EFCAB6: variants seen among roughly 807,000 people sequenced by gnomAD.
EFCAB6 encodes the protein EF-hand calcium-binding domain-containing protein 6.
In EFCAB6, 156 loss-of-function variants were observed where a neutral mutation model predicts 169.8. The ratio of observed to expected loss-of-function variants is 0.92; its 90% CI spans 0.81 to 1.05. EFCAB6 has a LOEUF of 1.05. Among genes scored for constraint, EFCAB6 ranks in the 50% least tolerant of loss-of-function variants. EFCAB6 has a pLI of 0.00. For missense variants in EFCAB6, 1,800 were observed against 1,829.1 expected, an observed-to-expected ratio of 0.98 and a Z score of 0.29; for synonymous variants, 698 against 676.4, an observed-to-expected ratio of 1.03 and a Z score of -0.50.
rs1400920194 is a variant in EFCAB6 at position 43,716,956 on chromosome 22, A to C, written c.774T>G (p.Asn258Lys). 3 of 1,561,284 alleles carry C rather than the reference A, an allele frequency of 1.9e-6. No homozygotes were observed. Among genetic ancestry groups the C allele is most frequent in the African/African-American group, 2.7e-5 (2 of 72,822 alleles). The change falls in exon 9 of 32, where the codon AAT becomes AAG. Residue 258 changes from asparagine (N) to lysine (K), a missense_variant. Physicochemically the swap from Asn to Lys is moderately conservative, Grantham distance 94. Transcript: ENST00000262726. ...CMGNQEVSLENQQAKNSKKER... is the reference protein window; with the variant it reads ...CMGNQEVSLEKQQAKNSKKER... The stretch of plus-strand genomic sequence containing the variant: ...CCTTTTTGGAATTTTTGGCTTGTTG[A>C]TTCTCCAACGAGACCTCTGTTGAAA...
intron 7 of EFCAB6, among the ~76,000 whole-genome samples, chr22:43,735,597 T>C (rs1569454970): frequency 6.6e-6 from 1 of 152,166 alleles, no homozygotes; most frequent in Non-Finnish European, 1.5e-5. Context: ...ATAACCTGGA[T>C]GTGTTCAGAG....
intron 20 of EFCAB6, among the ~76,000 whole-genome samples, chr22:43,618,928 T>C (rs1488615741): frequency 6.6e-6 from 1 of 151,076 alleles, no homozygotes; most frequent in African/African-American, 2.4e-5. Context: ...TTTTTTCTTC[T>C]CTCACTAGGG....
At chr22:43,758,374 T>G (rs6006540) in intron 5 of EFCAB6, among the ~76,000 whole-genome samples, 45,926 of 152,012 alleles carry the variant, frequency 0.3, 7,140 homozygotes, top group South Asian at 0.37. Context: ...CATTTCAATT[T>G]TTCTTCCAAA....
rs561410064 is a variant in EFCAB6, at chr22:43,588,398, A to G, written c.3032+1676T>C. Among the ~76,000 whole-genome samples the G allele has an allele frequency of 2.6e-5, 4 of 152,354 alleles. No homozygotes were observed. In the South Asian group the frequency reaches 6.2e-4, roughly 24 times the overall value. Reference sequence around the variant, plus strand: ...AATGAGATAGCGCATCCATGAAACAAGAGTAGGATGTTATAAAAAAGGAAC... The same window carrying G: ...AATGAGATAGCGCATCCATGAAACAGGAGTAGGATGTTATAAAAAAGGAAC... On this transcript the variant is annotated intron_variant, in intron 24 of 31. Coordinates refer to ENST00000262726, the MANE Select transcript of EFCAB6 (RefSeq NM_022785.4).
intron 2 of EFCAB6, chr22:43,802,894 T>C (rs2062777563): frequency 3.8e-6 from 1 of 264,034 alleles, no homozygotes; most frequent in Admixed American, 4.2e-5. Flanking sequence ...GAACACTTCA[T>C]TGTTGTCTTT....
intron 2 of EFCAB6, among the ~76,000 whole-genome samples, chr22:43,791,245 C>T (rs1401110882): frequency 6.6e-6 from 1 of 151,870 alleles, no homozygotes. Flanking sequence ...TGGTGGTGCA[C>T]ACCTATAGTC....
chr22:43,761,513 CAGA>C (rs1264094210), intron 5 of EFCAB6, among the ~76,000 whole-genome samples: 4 of 152,294 alleles, frequency 2.6e-5, no homozygotes, highest in Non-Finnish European at 5.9e-5. Context: ...TCAGATTTTT[CAGA>C]AGTTCTATTT....
At chr22:43,705,934 GAAGAT>G (rs2058941102) in intron 10 of EFCAB6, among the ~76,000 whole-genome samples, 1 of 152,064 alleles carries the variant, frequency 6.6e-6, no homozygotes, top group Admixed American at 6.6e-5. Flanking sequence ...AAAGATCAAT[GAAGAT>G]AAGGGTTGGC....
chr22:43,802,835 T>C (rs1028714036), intron 2 of EFCAB6: 6 of 417,028 alleles, frequency 1.4e-5, no homozygotes, highest in Non-Finnish European at 2.3e-5. Flanking sequence ...TGAAATACTA[T>C]TTTTAATCAA....
chr22:43,791,885 T>C (rs2062307158), intron 2 of EFCAB6, among the ~76,000 whole-genome samples: 1 of 152,226 alleles, frequency 6.6e-6, no homozygotes, highest in Non-Finnish European at 1.5e-5. Context: ...GCAGCATGTC[T>C]GAACACTCAT....
At chr22:43,655,520 C>CAA (rs137753) in intron 17 of EFCAB6, among the ~76,000 whole-genome samples, 12,480 of 116,204 alleles carry the variant, frequency 0.11, 617 homozygotes, top group South Asian at 0.18. Flanking sequence ...GACCCTGTCT[C>CAA]AAAAAAAAAA....
intron 2 of EFCAB6, among the ~76,000 whole-genome samples, chr22:43,797,869 G>A (rs187728141): frequency 6.6e-6 from 1 of 152,220 alleles, no homozygotes. Flanking sequence ...CCTCAAATGT[G>A]CTCATTCCCA....
rs542942827 is a variant in EFCAB6 at position 43,537,985 on chromosome 22, C to T, written c.3880-440G>A. 5.9e-5 allele frequency among the ~76,000 whole-genome samples: 9 copies of T among 152,286 alleles called. No homozygotes were observed. In the South Asian group the frequency reaches 1.7e-3, roughly 28 times the overall value. On this transcript the variant is annotated intron_variant, in intron 28 of 31. Transcript: ENST00000262726. The surrounding 1 kb of genome is among the most constrained non-coding windows in gnomAD (Gnocchi z 4.3). ...ATTTAGACATTATGTGGATCAAGTA[C>T]GAGGCTGTTCTTTGCTTTATTGTAT...
chr22:43,652,363 C>T (rs1040116790), intron 17 of EFCAB6, among the ~76,000 whole-genome samples: 20 of 152,234 alleles, frequency 1.3e-4, no homozygotes, highest in Non-Finnish European at 2.5e-4. Flanking sequence ...CGCCTTCCAC[C>T]ATGATTGTGA....
chr22:43,621,563 G>A (rs1602668583), intron 20 of EFCAB6, among the ~76,000 whole-genome samples: 1 of 151,964 alleles, frequency 6.6e-6, no homozygotes, highest in African/African-American at 2.4e-5. Flanking sequence ...CAGTGCCTAC[G>A]GGGAAATACA....
intron 17 of EFCAB6, among the ~76,000 whole-genome samples, chr22:43,647,258 GA>G (rs1569311765): frequency 6.6e-6 from 1 of 151,104 alleles, no homozygotes; most frequent in African/African-American, 2.4e-5. Context: ...TTTATTTAGG[GA>G]AAAAAAAGGA....
At chr22:43,579,323 CA>C (rs1256368826) in intron 25 of EFCAB6, among the ~76,000 whole-genome samples, 2 of 151,040 alleles carry the variant, frequency 1.3e-5, no homozygotes, top group Non-Finnish European at 2.9e-5. Context: ...TCATTCTCTA[CA>C]CGCAGGTATC....
At chr22:43,701,437 A>G (rs1215325151) in intron 10 of EFCAB6, among the ~76,000 whole-genome samples, 1 of 152,240 alleles carries the variant, frequency 6.6e-6, no homozygotes. Context: ...TCTCTGTAAA[A>G]ATATAAAAGA....
At chr22:43,776,424 T>C (rs952066387) in intron 3 of EFCAB6, among the ~76,000 whole-genome samples, 1 of 151,938 alleles carries the variant, frequency 6.6e-6, no homozygotes, top group African/African-American at 2.4e-5. Context: ...AATAAATAAA[T>C]AAACAAATGA....
Sources: gnomAD v4.1 joint callset for allele counts (sites outside exome capture counted in the v4.1 genomes callset) on GRCh38, gnomAD v4.1.1 for gene constraint, Gnocchi (gnomAD v3.1) non-coding constraint, MANE v1.5 for transcripts, NCBI Gene and HGNC (gene_info 2026-07-23, HGNC 2026-07-21) for gene names.